ENG: variants seen among roughly 807,000 people sequenced by gnomAD.
ENG encodes the protein CD105 antigen.
Under a neutral mutation model 71.0 loss-of-function variants are expected in ENG, and 17 were observed. The ratio of observed to expected loss-of-function variants is 0.24; its 90% CI spans 0.16 to 0.36. ENG has a LOEUF of 0.36. Ranked by LOEUF, ENG falls within the 10% of genes least tolerant of loss-of-function variation. The pLI, the probability that ENG is intolerant of heterozygous loss-of-function variation, is 1.00. For missense variants in ENG, 749 were observed against 868.3 expected, an observed-to-expected ratio of 0.86 and a Z score of 1.73; for synonymous variants, 360 against 366.9, an observed-to-expected ratio of 0.98 and a Z score of 0.21.
intron 8 of ENG, among the ~76,000 whole-genome samples, chr9:127,820,780 G>T (rs1419651648): frequency 6.6e-6 from 1 of 151,446 alleles, no homozygotes; most frequent in African/African-American, 2.4e-5. Context: ...AGTGAGCCGA[G>T]ATCGCACCAT....
intron 2 of ENG, among the ~76,000 whole-genome samples, chr9:127,830,887 C>A (rs1439908850): frequency 1.3e-5 from 2 of 151,946 alleles, no homozygotes; most frequent in African/African-American, 4.8e-5. Flanking sequence ...GCTTGTCTTA[C>A]CGTTTTAAAG....
rs1830577984 is a variant in ENG at position 127,825,228 on chromosome 9, C to T, written c.816+3G>A. On this transcript the variant is annotated splice_donor_region_variant and intron_variant, in intron 6 of 14. Transcript: ENST00000373203. The stretch of plus-strand genomic sequence containing the variant: ...TGTGTCCCGGGAGCTGCGCACAACT[C>T]ACCCAGATCTGCATGTTGTGGTTGG... 6.2e-7 allele frequency: 1 copy of T among 1,613,072 alleles called. No individual in the cohort carries two copies. The highest frequency in any genetic ancestry group is 8.5e-7 in the Non-Finnish European group (1 of 1,179,864).
intron 2 of ENG, among the ~76,000 whole-genome samples, chr9:127,841,906 CT>C (rs1310959726): frequency 5.3e-5 from 8 of 152,352 alleles, no homozygotes; most frequent in Admixed American, 3.3e-4. Context: ...CCTCAGTTTC[CT>C]TCTCCAAGAA....
chr9:127,826,491 G>A lies in ENG; in HGVS notation c.523+19C>T, dbSNP rs777326589. The stretch of plus-strand genomic sequence containing the variant: ...CTGAGCAGTATCATGAGCCCAGAGA[G>A]GTTGCTGGGGAAACTGACCTTGGCC... On this transcript the variant is annotated intron_variant, in intron 4 of 14. Transcript: ENST00000373203. 6.2e-7 allele frequency: 1 copy of A among 1,613,836 alleles called. No homozygotes were observed. The highest frequency in any genetic ancestry group is 2.2e-5 in the East Asian group (1 of 44,894).
intron 1 of ENG, among the ~76,000 whole-genome samples, chr9:127,848,539 C>A (rs1831225325): frequency 6.6e-6 from 1 of 152,214 alleles, no homozygotes; most frequent in Non-Finnish European, 1.5e-5. Flanking sequence ...CCACCTTAGC[C>A]TCCCAAAACG....
chr9:127,820,472 C>T (rs1588577413), intron 8 of ENG, among the ~76,000 whole-genome samples: 2 of 151,470 alleles, frequency 1.3e-5, no homozygotes, highest in Non-Finnish European at 2.9e-5. Flanking sequence ...GGATTACAGG[C>T]GTGAGCCACC....
intron 2 of ENG, among the ~76,000 whole-genome samples, chr9:127,841,918 G>A (rs1831042284): frequency 1.3e-5 from 2 of 152,228 alleles, no homozygotes; most frequent in African/African-American, 4.8e-5. Flanking sequence ...TCTCCAAGAA[G>A]TGGGGATAAT....
chr9:127,827,557 C>T (rs1157680750), intron 3 of ENG, among the ~76,000 whole-genome samples: 1 of 152,174 alleles, frequency 6.6e-6, no homozygotes, highest in East Asian at 1.9e-4. Flanking sequence ...ACTGACTGAG[C>T]TCTTAGTGTA....
chr9:127,839,366 A>G (rs1211758133), intron 2 of ENG, among the ~76,000 whole-genome samples: 1 of 152,058 alleles, frequency 6.6e-6, no homozygotes, highest in African/African-American at 2.4e-5. Flanking sequence ...CCTGGGGAGG[A>G]AGGTGCCTCC....
In ENG at chr9:127,815,346, C is replaced by T. The variant is rs1830278833; in HGVS notation, c.*336G>A. 1 of 300,674 alleles carries T rather than the reference C, an allele frequency of 3.3e-6. No homozygotes were observed. The allele number at this position is 300,674 out of a possible 1,614,324, so 18.6% of individuals were successfully genotyped here. ...CTGGCCTGAATCTGTTTCAAGTTCT[C>T]CCTTCCTGCCCAGCTCAGTTCACCA... On this transcript the variant is annotated 3_prime_UTR_variant, in exon 15 of 15. Coordinates refer to ENST00000373203, the MANE Select transcript of ENG (RefSeq NM_001114753.3).
Position 127,854,418 on chromosome 9 carries a change from G to A in ENG, c.-63C>T, listed in dbSNP as rs886063476. ...TGTGTCCAGTGGCAGGGCTGCGGGC[G>A]GGCACCGGGGCCGGCGTGGGCTCGC... On this transcript the variant is annotated 5_prime_UTR_variant, in exon 1 of 15. Coordinates refer to ENST00000373203, the MANE Select transcript of ENG (RefSeq NM_001114753.3). 163 of 1,514,970 alleles carry A rather than the reference G, an allele frequency of 1.1e-4. No homozygotes were observed. Among genetic ancestry groups the A allele is most frequent in the African/African-American group, 2.8e-5 (2 of 71,474 alleles). The allele number at this position is 1,514,970 out of a possible 1,614,324, so 93.8% of individuals were successfully genotyped here. A position where few individuals can be genotyped will look rare whatever the true frequency, so the allele number is the denominator to read the frequency against.
chr9:127,829,558 A>G, intron 3 of ENG, 129 bp downstream of exon 3: 1 of 1,290,800 alleles, frequency 7.7e-7, no homozygotes, highest in Non-Finnish European at 1.1e-6. Flanking sequence ...GACCCTGGTG[A>G]ATAATGTCAA....
chr9:127,834,646 CTA>C (rs1830853353), intron 2 of ENG, among the ~76,000 whole-genome samples: 1 of 151,680 alleles, frequency 6.6e-6, no homozygotes, highest in South Asian at 2.1e-4. Flanking sequence ...CTCATGATCC[CTA>C]CGCCTCAGCC....
intron 3 of ENG, among the ~76,000 whole-genome samples, chr9:127,827,950 C>T (rs1001597584): frequency 1.4e-5 from 2 of 138,650 alleles, no homozygotes; most frequent in East Asian, 2.1e-4. Context: ...ACCCAGAAGG[C>T]GAAGGTTGCA....
chr9:127,819,229 G>A (rs1830413758), intron 10 of ENG: 9 of 324,100 alleles, frequency 2.8e-5, no homozygotes, highest in Admixed American at 9.0e-5. Flanking sequence ...GAGCCACTGC[G>A]CCCGGCCCTT....
intron 2 of ENG, among the ~76,000 whole-genome samples, chr9:127,833,522 CAAAAAA>C (rs57982372): frequency 1.5e-4 from 10 of 66,798 alleles, no homozygotes; most frequent in African/African-American, 5.7e-4. Context: ...AACTCCGCCT[CAAAAAA>C]AAAAAAAAAA....
rs113988865 is a variant in ENG, at chr9:127,820,354, C to T, written c.1135-317G>A. Among the ~76,000 whole-genome samples, 281 of 151,758 alleles carry T rather than the reference C, an allele frequency of 1.9e-3. 1 individual carries two copies. Among genetic ancestry groups the T allele is most frequent in the African/African-American group, 6.6e-3 (275 of 41,430 alleles). ...GATTACAGGCACGTGCCACCATGCC[C>T]GGCTACTTTTTTGTATTTTTAGTAG... On this transcript the variant is annotated intron_variant, in intron 8 of 14. Coordinates refer to ENST00000373203, the MANE Select transcript of ENG (RefSeq NM_001114753.3).
At chr9:127,831,158 CA>C (rs1480885280) in intron 2 of ENG, among the ~76,000 whole-genome samples, 1 of 144,372 alleles carries the variant, frequency 6.9e-6, no homozygotes, top group East Asian at 1.9e-4. Context: ...ACGTAAATAC[CA>C]TTTTTTTTTT....
intron 1 of ENG, among the ~76,000 whole-genome samples, chr9:127,847,926 C>T (rs145485347): frequency 6.2e-4 from 94 of 152,324 alleles, no homozygotes; most frequent in African/African-American, 2.1e-3. Context: ...GGTCAAGTTC[C>T]TGCACTGCAG....
Sources: gnomAD v4.1 joint callset for allele counts (sites outside exome capture counted in the v4.1 genomes callset) on GRCh38, gnomAD v4.1.1 for gene constraint, MANE v1.5 for transcripts, NCBI Gene and HGNC (gene_info 2026-07-23, HGNC 2026-07-21) for gene names.